ZW10: variants seen among roughly 807,000 people sequenced by gnomAD.
ZW10 encodes the protein zw10 kinetochore protein.
In ZW10, 53 loss-of-function variants were observed where a neutral mutation model predicts 87.8. The observed-to-expected ratio is 0.60, with a 90% CI of 0.48 to 0.76. The LOEUF is 0.76. Among genes scored for constraint, ZW10 ranks in the 30% least tolerant of loss-of-function variants. The probability of loss-of-function intolerance (pLI) is 0.00; values close to 1 mark genes in which losing one functional copy is unlikely to be tolerated. For missense variants in ZW10, 837 were observed against 923.0 expected (o/e 0.91, Z 1.21); for synonymous variants, 312 against 329.2 (o/e 0.95, Z 0.57).
intron 6 of ZW10, among the ~76,000 whole-genome samples, chr11:113,758,129 T>C (rs1439864091): frequency 6.6e-6 from 1 of 151,720 alleles, no homozygotes; most frequent in East Asian, 1.9e-4. Flanking sequence ...GCTGAGATCA[T>C]GCCATTGCAC....
intron 2 of ZW10, among the ~76,000 whole-genome samples, chr11:113,766,714 T>TAA (rs146609877): frequency 4.4e-4 from 54 of 123,496 alleles, no homozygotes; most frequent in East Asian, 7.0e-4. Flanking sequence ...TTTTAAAAAT[T>TAA]AAAAAAAAAA....
At position 113,738,385 on chromosome 11, in the gene ZW10, C is replaced by T. The variant is rs762380294; in HGVS notation, c.1763G>A (p.Cys588Tyr). ...VPGFRRLGTE[C>Y]FLAQMRAQKG... ...CTGTGCCCGCATTTGGGCCAAAAAG[C>T]ATTCTGTCCCTATGATGGAAAAACA... The change falls in exon 13 of 16, where the codon TGC becomes TAC. Residue 588 changes from cysteine (C) to tyrosine (Y), a missense_variant. Cys to Tyr is a radical substitution (Grantham distance 194). Transcript: ENST00000200135. 5.0e-6 allele frequency: 8 copies of T among 1,612,454 alleles called. No homozygotes were observed. In the African/African-American group the frequency reaches 1.1e-4, roughly 22 times the overall value.
chr11:113,734,998 T>C (rs1953533509), intron 15 of ZW10, among the ~76,000 whole-genome samples: 1 of 152,166 alleles, frequency 6.6e-6, no homozygotes, highest in South Asian at 2.1e-4. Flanking sequence ...AGATAATGGT[T>C]ACCCCTCATG....
chr11:113,746,571 C>A (rs1953679534), intron 9 of ZW10, among the ~76,000 whole-genome samples: 1 of 145,850 alleles, frequency 6.9e-6, no homozygotes, highest in Non-Finnish European at 1.5e-5. Context: ...AAACAACAAA[C>A]AATTCATATA....
At chr11:113,736,865 A>C (rs1407537481) in intron 14 of ZW10, 43 bp from the exon 15 acceptor site, 15 of 1,591,614 alleles carry the variant, frequency 9.4e-6, no homozygotes, top group South Asian at 5.5e-5. Flanking sequence ...GAATTGGGCC[A>C]GCTCAGAAGT....
Position 113,758,641 on chromosome 11 carries a change from C to T in ZW10, c.646G>A (p.Glu216Lys). 1 of 1,614,070 alleles carries T rather than the reference C, an allele frequency of 6.2e-7. No homozygotes were observed. The stretch of plus-strand genomic sequence containing the variant: ...ATGGGTGGCATAGGGGTCTTCTCCT[C>T]TTTGTGCGATTGTTCAGTGTATAAA... ...LHLYTEQSHK[E>K]EKTPMPPISS... The change falls in exon 6 of 16, where the codon GAG (glutamate) becomes AAG (lysine). Residue 216 changes from glutamate (E) to lysine (K), a missense_variant. Glu to Lys is a moderately conservative substitution (Grantham distance 56). Transcript: ENST00000200135.
chr11:113,771,931 C>A (rs961299357), intron 1 of ZW10, among the ~76,000 whole-genome samples: 1 of 152,102 alleles, frequency 6.6e-6, no homozygotes, highest in Admixed American at 6.5e-5. Flanking sequence ...AGTAAAGATA[C>A]TATATACTTG....
chr11:113,767,609 TC>T (rs1228387327), intron 2 of ZW10, among the ~76,000 whole-genome samples: 1 of 152,068 alleles, frequency 6.6e-6, no homozygotes, highest in Non-Finnish European at 1.5e-5. Context: ...TGGACTCATT[TC>T]CCTCAAGTTC....
rs374482809 is a variant in ZW10, at chr11:113,748,206, A to G, written c.1089+51T>C. The G allele has an allele frequency of 5.4e-6, 8 of 1,482,516 alleles. No individual in the cohort carries two copies. The African/African-American group carries it at 9.9e-5, about 18-fold the overall frequency. 91.8% of individuals were successfully genotyped at this position (1,482,516 alleles called of 1,614,324 possible). On this transcript the variant is annotated intron_variant, in intron 8 of 15. Coordinates refer to ENST00000200135, the MANE Select transcript of ZW10 (RefSeq NM_004724.4). ...TCTCCAAGGAAAAACAAAAGACAGC[A>G]ATAAGAAACAACAGTGTCTTAAAAC...
chr11:113,760,436 T>C, intron 4 of ZW10, 68 bp from the exon 5 acceptor site: 1 of 1,603,250 alleles, frequency 6.2e-7, no homozygotes, highest in Non-Finnish European at 8.5e-7. Flanking sequence ...TATATTTGCA[T>C]AATGATAAAA....
In ZW10 at chr11:113,760,234, A is replaced by G. The variant is rs1389906185; in HGVS notation, c.555T>C (p.Ile185=). The stretch of plus-strand genomic sequence containing the variant: ...CTTTTGATGGTGGGAACTTCCATAC[A>G]ATCAGCTTCTGCCACTCTTCTCCAA... ...YHLGEEWQKL[I]VWKFPPSKDT... The change falls in exon 5 of 16, where the codon ATT becomes ATC. Residue 185 remains isoleucine, a synonymous_variant. Transcript: ENST00000200135. 3.1e-6 allele frequency: 5 copies of G among 1,614,086 alleles called. No individual in the cohort carries two copies. Among genetic ancestry groups the G allele is most frequent in the Non-Finnish European group, 4.2e-6 (5 of 1,179,994 alleles).
chr11:113,757,085 T>C lies in ZW10; in HGVS notation c.925+577A>G, dbSNP rs532797533. 6.8e-5 allele frequency among the ~76,000 whole-genome samples: 10 copies of C among 147,678 alleles called. No individual in the cohort carries two copies. In the South Asian group the frequency reaches 1.5e-3, roughly 22 times the overall value. ...CAATATGACAGCTGAGAAAAGCACA[T>C]AGAAGGTAAATCAAATAGACTTAAA... is the stretch of plus-strand genomic sequence containing the variant. On this transcript the variant is annotated intron_variant, in intron 7 of 15. Transcript: ENST00000200135.
intron 13 of ZW10, 107 bp from the exon 14 acceptor site, chr11:113,737,810 A>G: frequency 7.8e-7 from 1 of 1,284,562 alleles, no homozygotes; most frequent in Non-Finnish European, 1.1e-6. Context: ...GCATTATGCC[A>G]AAATGAGGTA....
intron 11 of ZW10, among the ~76,000 whole-genome samples, chr11:113,739,643 A>C (rs1365363265): frequency 6.6e-6 from 1 of 152,240 alleles, no homozygotes; most frequent in East Asian, 1.9e-4. Context: ...TGCCTGAGTC[A>C]ACTTTTTGCA....
At chr11:113,768,346 C>T (rs1025923909) in intron 2 of ZW10, among the ~76,000 whole-genome samples, 1 of 152,188 alleles carries the variant, frequency 6.6e-6, no homozygotes, top group Non-Finnish European at 1.5e-5. Context: ...TTCAAAATAA[C>T]AACAACCAAA....
At chr11:113,739,915 T>G (rs1238570825) in intron 11 of ZW10, among the ~76,000 whole-genome samples, 4 of 152,210 alleles carry the variant, frequency 2.6e-5, no homozygotes, top group Non-Finnish European at 5.9e-5. Flanking sequence ...AGCATTTATA[T>G]GTTTTAAAAT....
Position 113,768,904 on chromosome 11 carries a change from G to A in ZW10, c.169C>T (p.Gln57Ter). Residue 57 changes from glutamine to a stop codon, truncating the protein, a stop_gained, in exon 2 of 16, where the codon CAG becomes TAG. Coordinates refer to ENST00000200135, the MANE Select transcript of ZW10 (RefSeq NM_004724.4). LOFTEE classifies it high-confidence loss of function. ...SEFLPSMQSA[Q>*]GLITQVDKLS... ...TTATCCACCTGGGTAATCAGGCCCT[G>A]CGCGCTCTGCATGCTAGGCAGGAAT... 6.2e-7 allele frequency: 1 copy of A among 1,614,124 alleles called. No homozygotes were observed. Among genetic ancestry groups the A allele is most frequent in the Non-Finnish European group, 8.5e-7 (1 of 1,179,996 alleles).
chr11:113,740,185 T>TAAA (rs142162870), intron 11 of ZW10, among the ~76,000 whole-genome samples: 1 of 139,858 alleles, frequency 7.2e-6, no homozygotes, highest in African/African-American at 2.6e-5. Context: ...CTGTGGGGCT[T>TAAA]AAAAAAAAAG....
At chr11:113,758,263 A>C (rs1289772455) in intron 6 of ZW10, among the ~76,000 whole-genome samples, 3 of 152,030 alleles carry the variant, frequency 2.0e-5, no homozygotes, top group African/African-American at 7.2e-5. Context: ...CCATGACATT[A>C]CACACCAACC....
Sources: allele counts gnomAD v4.1 joint callset (sites outside exome capture counted in the v4.1 genomes callset), GRCh38; gene constraint gnomAD v4.1.1; transcripts MANE v1.5; gene names NCBI Gene and HGNC (gene_info 2026-07-23, HGNC 2026-07-21).